The following LRP4 variants were observed in gnomAD, a reference collection of about 807,000 sequenced individuals.
LRP4 encodes low-density lipoprotein receptor-related protein 4.
A neutral mutation model predicts 220.3 loss-of-function variants in LRP4; 95 were observed. The observed-to-expected ratio is 0.43, with a 90% CI of 0.37 to 0.51. LRP4 has a LOEUF of 0.51. Among genes scored for constraint, LRP4 ranks in the 20% least tolerant of loss-of-function variants. The pLI is 0.00. For synonymous variants in LRP4, 903 were observed against 954.6 expected (o/e 0.95, Z 1.00); for missense variants, 1,925 against 2,567.0 (o/e 0.75, Z 5.40).
At position 46,890,523 on chromosome 11, in the gene LRP4, G is replaced by A. The variant is rs757441102; in HGVS notation, c.1698-29C>T. ...GGAAGAGAAAAGTAAATTGGGAAGT[G>A]GGCAGCAGAAAACAGGTAGGTAACC... On this transcript the variant is annotated intron_variant, in intron 13 of 37. Transcript: ENST00000378623. The surrounding 1 kb of genome is among the most constrained non-coding windows in gnomAD (Gnocchi z 5.3). 10 of 1,533,986 alleles carry A rather than the reference G, an allele frequency of 6.5e-6. No individual in the cohort carries two copies. The South Asian group carries it at 7.9e-5, about 12-fold the overall frequency.
chr11:46,879,371 T>C, intron 20 of LRP4, 56 bp from the exon 21 acceptor site: 1 of 1,584,064 alleles, frequency 6.3e-7, no homozygotes, highest in South Asian at 1.1e-5. Context: ...TACAGAGCAG[T>C]GGCAAAGAGC....
At position 46,898,947 on chromosome 11, in the gene LRP4, A is replaced by G; in HGVS notation, c.633T>C (p.Asp211=). Residue 211 remains aspartate (D), a synonymous_variant, in exon 6 of 38, where the codon GAT becomes GAC. Transcript: ENST00000378623. ...ACCAGTCTCCACAGTCATCGTCGCC[A>G]TCGCAGTGGTAGATGTCGAGGATGC... The part of the protein sequence containing the change: ...GRCILDIYHC[D]GDDDCGDWSD... 8.1e-6 allele frequency: 13 copies of G among 1,613,904 alleles called. No homozygotes were observed. Among genetic ancestry groups the G allele is most frequent in the Non-Finnish European group, 1.0e-5 (12 of 1,180,026 alleles).
intron 1 of LRP4, 71 bp from the exon 2 acceptor site, chr11:46,903,000 T>G: frequency 1.9e-6 from 3 of 1,584,668 alleles, no homozygotes; most frequent in Non-Finnish European, 2.6e-6. Flanking sequence ...GAGGGGAAAG[T>G]AGAGGAGCCT....
Position 46,895,060 on chromosome 11 carries a change from T to C in LRP4, c.1309+106A>G, listed in dbSNP as rs1434750587. 12 of 1,528,956 alleles carry C rather than the reference T, an allele frequency of 7.8e-6. No individual in the cohort carries two copies. The East Asian group carries it at 2.7e-4, about 34-fold the overall frequency. The allele number at this position is 1,528,956 out of a possible 1,614,324, so 94.7% of individuals were successfully genotyped here. A position where few individuals can be genotyped will look rare whatever the true frequency, so the allele number is the denominator to read the frequency against. On this transcript the variant is annotated intron_variant, in intron 11 of 37. Coordinates refer to ENST00000378623, the MANE Select transcript of LRP4 (RefSeq NM_002334.4). The stretch of plus-strand genomic sequence containing the variant: ...ATGCAACTGTTGCTGCATTTTACTG[T>C]GACAGAAATCTCTCTACCTCTCTGC...
chr11:46,899,783 G>A lies in LRP4; in HGVS notation c.430+80C>T. The A allele has an allele frequency of 8.6e-7, 1 of 1,162,704 alleles. No homozygotes were observed. 72.0% of individuals were successfully genotyped at this position (1,162,704 alleles called of 1,614,324 possible). ...GGCAGTTGGAGGTTTGGCAGTGCTA[G>A]GGCCATTGCTGCTATCTTCTCCCAT... On this transcript the variant is annotated intron_variant, in intron 4 of 37. Coordinates refer to ENST00000378623, the MANE Select transcript of LRP4 (RefSeq NM_002334.4). The surrounding 1 kb of genome is among the most constrained non-coding windows in gnomAD (Gnocchi z 5.9).
intron 1 of LRP4, among the ~76,000 whole-genome samples, chr11:46,904,975 CAAAAAAA>C (rs10589238): frequency 4.5e-5 from 2 of 44,276 alleles, no homozygotes; most frequent in African/African-American, 1.8e-4. Flanking sequence ...GACCTTGTCT[CAAAAAAA>C]AAAAAAAAAA....
intron 34 of LRP4, among the ~76,000 whole-genome samples, chr11:46,867,065 C>T (rs1251820176): frequency 2.0e-5 from 3 of 152,190 alleles, no homozygotes; most frequent in Non-Finnish European, 4.4e-5. Context: ...AATAGCATTT[C>T]ACATTTGCTG....
intron 1 of LRP4, among the ~76,000 whole-genome samples, chr11:46,911,104 GTATC>G (rs1165225627): frequency 3.3e-5 from 5 of 152,280 alleles, no homozygotes; most frequent in African/African-American, 1.2e-4. Context: ...AGTAATAACA[GTATC>G]TATTTCATAG....
At chr11:46,860,993 G>T in intron 37 of LRP4, 3 of 982,752 alleles carry the variant, frequency 3.1e-6, no homozygotes, top group Non-Finnish European at 3.6e-6. Flanking sequence ...AAGAGCTGCT[G>T]AGGAAGAAAC....
intron 1 of LRP4, among the ~76,000 whole-genome samples, chr11:46,907,076 C>T (rs2134877684): frequency 6.6e-6 from 1 of 152,296 alleles, no homozygotes; most frequent in South Asian, 2.1e-4. Flanking sequence ...CAGCTTTTAA[C>T]CCTTTTTAAG....
rs1292096165 is a variant in LRP4 at position 46,876,844 on chromosome 11, G to A, written c.3278-14C>T. 6.2e-7 allele frequency: 1 copy of A among 1,608,802 alleles called. No individual in the cohort carries two copies. Among genetic ancestry groups the A allele is most frequent in the Admixed American group, 1.7e-5 (1 of 60,016 alleles). On this transcript the variant is annotated splice_polypyrimidine_tract_variant and intron_variant, in intron 23 of 37. Coordinates refer to ENST00000378623, the MANE Select transcript of LRP4 (RefSeq NM_002334.4). ...AGTACACCTTTCCTGGAGAGGGAAA[G>A]CTTGGCTCAACCTAGACCCTCACCG...
rs532378480 is a variant in LRP4, at chr11:46,858,611, C to T, written c.*372G>A. ...TCATGCTGGCTGTGATGGGGCAGAG[C>T]GCAGTCCTGGGTCATCAGCTGCATC... On this transcript the variant is annotated 3_prime_UTR_variant, in exon 38 of 38. Transcript: ENST00000378623. 36 of 349,814 alleles carry T rather than the reference C, an allele frequency of 1.0e-4. No individual in the cohort carries two copies. The highest frequency in any genetic ancestry group is 1.4e-4 in the South Asian group (6 of 42,086). The allele number at this position is 349,814 out of a possible 1,614,324, so 21.7% of individuals were successfully genotyped here. A position where few individuals can be genotyped will look rare whatever the true frequency, so the allele number is the denominator to read the frequency against.
chr11:46,866,250 A>T (rs1940696188), intron 34 of LRP4, among the ~76,000 whole-genome samples: 1 of 150,954 alleles, frequency 6.6e-6, no homozygotes, highest in African/African-American at 2.4e-5. Flanking sequence ...TTATTCACAT[A>T]TGTATTTCCA....
rs758146599 is a variant in LRP4, at chr11:46,862,616, T to C, written c.5375A>G (p.Tyr1792Cys). 3.5e-5 allele frequency: 56 copies of C among 1,614,058 alleles called. No homozygotes were observed. The highest frequency in any genetic ancestry group is 4.7e-5 in the Non-Finnish European group (56 of 1,180,028). Residue 1792 changes from tyrosine to cysteine, a missense_variant, in exon 37 of 38, where the codon TAT (tyrosine) becomes TGT (cysteine). Around this residue, in one of 3 missense-constraint regions of LRP4, gnomAD observed 1,244 missense variants for 1,624.9 expected, o/e 0.77. Coordinates refer to ENST00000378623, the MANE Select transcript of LRP4 (RefSeq NM_002334.4). ...AATTTCAATTTTTACCTCTTTCTTA[T>C]AGCACAGCTGGTTGTACATGGCTGG... ...PKPAMYNQLC[Y>C]KKEGGPDHNY...
chr11:46,887,574 T>C (rs932530910), intron 16 of LRP4, among the ~76,000 whole-genome samples: 2 of 152,122 alleles, frequency 1.3e-5, no homozygotes, highest in African/African-American at 2.4e-5. Flanking sequence ...GGCTCACGCC[T>C]GTAATCCCAG....
intron 13 of LRP4, among the ~76,000 whole-genome samples, chr11:46,891,256 G>C (rs960215405): frequency 1.3e-5 from 2 of 152,008 alleles, no homozygotes; most frequent in Non-Finnish European, 2.9e-5. Context: ...TGGAATTACA[G>C]GCACCCGCCA....
Position 46,899,078 on chromosome 11 carries a change from A to T in LRP4, c.548-46T>A. On this transcript the variant is annotated intron_variant, in intron 5 of 37. Transcript: ENST00000378623. The surrounding 1 kb of genome is among the most constrained non-coding windows in gnomAD (Gnocchi z 5.9). ...GGGAGGGGCACACACTCAGGCCTGGATGAAGGAGAGGGGCCCTGATTCCTC... is the reference window on the plus strand; with the variant it reads ...GGGAGGGGCACACACTCAGGCCTGGTTGAAGGAGAGGGGCCCTGATTCCTC... The T allele has an allele frequency of 6.3e-7, 1 of 1,582,430 alleles. No homozygotes were observed. The highest frequency in any genetic ancestry group is 1.1e-5 in the South Asian group (1 of 88,966).
rs1940430880 is a variant in LRP4, at chr11:46,858,268, G to A, written c.*715C>T. On this transcript the variant is annotated 3_prime_UTR_variant, in exon 38 of 38. Transcript: ENST00000378623. ...TGATAGGGGACCCAGTTATCTGAAT[G>A]TAGAAACAGCTCCAGACATTCTAGG... is the stretch of plus-strand genomic sequence containing the variant. The A allele has an allele frequency of 6.5e-6, 1 of 154,726 alleles. No individual in the cohort carries two copies. The highest frequency in any genetic ancestry group is 2.0e-4 in the South Asian group (1 of 4,976). The allele number at this position is 154,726 out of a possible 1,614,324, so 9.6% of individuals were successfully genotyped here.
chr11:46,896,882 G>C lies in LRP4; in HGVS notation c.909C>G (p.Asn303Lys), dbSNP rs373551790. Residue 303 changes from asparagine to lysine, a missense_variant, in exon 8 of 38, where the codon AAC (asparagine) becomes AAG (lysine). Asn to Lys is a moderately conservative substitution (Grantham distance 94). Transcript: ENST00000378623. ...DDCADNSDEE[N>K]CENTGSPQCA... is the part of the protein sequence containing the mutation. ...GGGAGACACCACCTGTATTCTCACA[G>C]TTCTCTTCATCGCTGTTGTCTGCAC... is the stretch of plus-strand genomic sequence containing the variant. 2.5e-6 allele frequency: 4 copies of C among 1,614,102 alleles called. No homozygotes were observed. In the African/African-American group the frequency reaches 4.0e-5, roughly 16 times the overall value.
Sources: allele counts gnomAD v4.1 joint callset (sites outside exome capture counted in the v4.1 genomes callset), GRCh38; gene constraint gnomAD v4.1.1; regional missense constraint gnomAD v4.1.1; non-coding constraint Gnocchi (gnomAD v3.1); transcripts MANE v1.5; gene names NCBI Gene and HGNC (gene_info 2026-07-23, HGNC 2026-07-21).